Variants in CCDC91 observed in about 807,000 individuals in gnomAD.
CCDC91 encodes the protein coiled-coil domain containing 91, also known as coiled-coil domain-containing protein 91.
CCDC91 carries 48 observed loss-of-function variants against 63.2 expected under a neutral mutation model. The observed-to-expected ratio is 0.76, with a 90% CI of 0.60 to 0.97. The LOEUF is 0.97. CCDC91 is among the 50% of genes least tolerant of loss of function. The pLI is 0.00. For synonymous variants in CCDC91, 167 were observed against 165.8 expected (o/e 1.01, Z -0.06); for missense variants, 500 against 494.6 (o/e 1.01, Z -0.10).
chr12:28,439,005 T>C (rs1949046938), intron 8 of CCDC91, among the ~76,000 whole-genome samples: 1 of 152,166 alleles, frequency 6.6e-6, no homozygotes, highest in African/African-American at 2.4e-5. Context: ...AGAGACATCA[T>C]ATGAAAATAT....
chr12:28,320,381 T>C (rs765282778), intron 6 of CCDC91, among the ~76,000 whole-genome samples: 2 of 151,862 alleles, frequency 1.3e-5, no homozygotes, highest in Non-Finnish European at 2.9e-5. Flanking sequence ...TTAGTGAGTT[T>C]TTTCTTTTTT....
At chr12:28,411,685 G>T (rs915905393) in intron 8 of CCDC91, among the ~76,000 whole-genome samples, 9 of 152,116 alleles carry the variant, frequency 5.9e-5, no homozygotes, top group African/African-American at 2.2e-4. Flanking sequence ...ATATAAGATG[G>T]TGGTCTTATA....
intron 7 of CCDC91, among the ~76,000 whole-genome samples, chr12:28,390,752 C>T (rs891883295): frequency 2.6e-5 from 4 of 152,040 alleles, no homozygotes; most frequent in South Asian, 2.1e-4. Flanking sequence ...ACATTAGGAG[C>T]GTGAACTTCC....
At chr12:28,423,500 A>G (rs1214398088) in intron 8 of CCDC91, among the ~76,000 whole-genome samples, 1 of 152,176 alleles carries the variant, frequency 6.6e-6, no homozygotes, top group Non-Finnish European at 1.5e-5. Flanking sequence ...GTCAAGGGGT[A>G]CTATCTGTAT....
chr12:28,503,061 A>C (rs558190256), intron 12 of CCDC91, among the ~76,000 whole-genome samples: 1 of 152,220 alleles, frequency 6.6e-6, no homozygotes, highest in African/African-American at 2.4e-5. Context: ...AGCAATGGCA[A>C]CAAAAGCCAA....
At chr12:28,282,899 G>A (rs1269609895) in intron 3 of CCDC91, among the ~76,000 whole-genome samples, 6 of 151,940 alleles carry the variant, frequency 3.9e-5, no homozygotes, top group Non-Finnish European at 8.8e-5. Context: ...GAGAGATAGC[G>A]ATCCCGTTTT....
chr12:28,367,359 CT>C (rs1944341833), intron 7 of CCDC91, among the ~76,000 whole-genome samples: 1 of 151,992 alleles, frequency 6.6e-6, no homozygotes, highest in African/African-American at 2.4e-5. Context: ...AAATTAAAAA[CT>C]CAGAGATGGG....
chr12:28,518,153 A>C (rs1032768082), intron 12 of CCDC91, among the ~76,000 whole-genome samples: 1 of 151,984 alleles, frequency 6.6e-6, no homozygotes, highest in African/African-American at 2.4e-5. Flanking sequence ...GATACCCAGT[A>C]GTGGGATTGC....
intron 8 of CCDC91, among the ~76,000 whole-genome samples, chr12:28,401,964 C>T (rs1278279032): frequency 1.3e-5 from 2 of 152,038 alleles, no homozygotes; most frequent in Non-Finnish European, 2.9e-5. Flanking sequence ...TATTCCAATA[C>T]CATTTATAGA....
chr12:28,512,846 T>C (rs1363274556), intron 12 of CCDC91, among the ~76,000 whole-genome samples: 3 of 151,910 alleles, frequency 2.0e-5, no homozygotes, highest in South Asian at 4.1e-4. Context: ...AGAATGGTCA[T>C]TGGTTAGGAA....
intron 12 of CCDC91, among the ~76,000 whole-genome samples, chr12:28,486,602 C>T (rs1391606515): frequency 6.6e-6 from 1 of 151,942 alleles, no homozygotes; most frequent in East Asian, 1.9e-4. Flanking sequence ...TATGTGGCTA[C>T]CATAAGAAGT....
chr12:28,499,748 T>C (rs1271748784), intron 12 of CCDC91, among the ~76,000 whole-genome samples: 2 of 152,196 alleles, frequency 1.3e-5, no homozygotes, highest in Non-Finnish European at 2.9e-5. Flanking sequence ...CTATCAATGA[T>C]GGGCATTTGG....
intron 11 of CCDC91, among the ~76,000 whole-genome samples, chr12:28,472,361 A>G (rs938209513): frequency 4.6e-5 from 7 of 152,230 alleles, no homozygotes; most frequent in African/African-American, 1.7e-4. Context: ...CTTTTTCTGC[A>G]AAGGTCAAGA....
rs573040420 is a variant in CCDC91, at chr12:28,441,642, C to A, written c.763-8519C>A. On this transcript the variant is annotated intron_variant, in intron 8 of 12. Transcript: ENST00000536442. ...ATATCTCATATGTGTATATATATCT[C>A]TCTCTCATATGTGTATATATATATA... Among the ~76,000 whole-genome samples, 57 of 147,116 alleles carry A rather than the reference C, an allele frequency of 3.9e-4. 2 individuals carry two copies. In the South Asian group the frequency reaches 9.5e-3, roughly 24 times the overall value.
At chr12:28,322,078 TC>T (rs1416142717) in intron 6 of CCDC91, among the ~76,000 whole-genome samples, 1 of 151,824 alleles carries the variant, frequency 6.6e-6, no homozygotes, top group Non-Finnish European at 1.5e-5. Flanking sequence ...AGAAATGACT[TC>T]TACCCTATTA....
chr12:28,284,403 G>C (rs1224728410), intron 3 of CCDC91, among the ~76,000 whole-genome samples: 1 of 151,700 alleles, frequency 6.6e-6, no homozygotes, highest in Non-Finnish European at 1.5e-5. Flanking sequence ...CTGTAATCCC[G>C]GCACTTTGGG....
chr12:28,227,568 C>T (rs528362362), intron 1 of CCDC91, among the ~76,000 whole-genome samples: 15 of 152,206 alleles, frequency 9.9e-5, no homozygotes, highest in African/African-American at 3.6e-4. Flanking sequence ...TTCTACACCT[C>T]ATCTACTTCA....
chr12:28,345,582 T>G (rs902086920), intron 6 of CCDC91, among the ~76,000 whole-genome samples: 4 of 152,108 alleles, frequency 2.6e-5, no homozygotes, highest in African/African-American at 9.7e-5. Context: ...CAAAAAACTC[T>G]TACCAAATTA....
chr12:28,421,052 G>T (rs1280323019), intron 8 of CCDC91, among the ~76,000 whole-genome samples: 1 of 151,904 alleles, frequency 6.6e-6, no homozygotes, highest in African/African-American at 2.4e-5. Flanking sequence ...TATATGCAAG[G>T]ACCTTTTTTC....
Sources: gnomAD v4.1 joint callset for allele counts (sites outside exome capture counted in the v4.1 genomes callset) on GRCh38, gnomAD v4.1.1 for gene constraint, MANE v1.5 for transcripts, NCBI Gene and HGNC (gene_info 2026-07-23, HGNC 2026-07-21) for gene names.